The following TNFSF4 variants were observed in gnomAD, a reference collection of about 807,000 sequenced individuals.
TNFSF4 encodes the protein TNF superfamily member 4, also known as tumor necrosis factor ligand superfamily member 4.
TNFSF4 carries 4 observed loss-of-function variants against 7.3 expected under a neutral mutation model. The observed-to-expected ratio is 0.55, with a 90% confidence interval of 0.27 to 1.25. The LOEUF (loss-of-function observed/expected upper bound fraction) is 1.25, where lower values mean the gene tolerates loss of function less well. Among genes scored for constraint, TNFSF4 ranks in the 50% most tolerant of loss-of-function variants. TNFSF4 has a pLI of 0.12. For missense variants in TNFSF4, 181 were observed against 208.8 expected, an observed-to-expected ratio of 0.87 and a Z score of 0.82; for synonymous variants, 76 against 83.7, an observed-to-expected ratio of 0.91 and a Z score of 0.50.
the TNFSF4 span, among the ~76,000 whole-genome samples, chr1:173,385,295 C>A: frequency 6.6e-6 from 1 of 152,208 alleles, no homozygotes; most frequent in Non-Finnish European, 1.5e-5. Context: ...GTTTTCATAA[C>A]AAGGGCAAAT....
At chr1:173,219,147 A>G in the TNFSF4 span, among the ~76,000 whole-genome samples, 2 of 152,234 alleles carry the variant, frequency 1.3e-5, no homozygotes, top group African/African-American at 2.4e-5. Flanking sequence ...CTGATACAGC[A>G]TCTCCTTGCT....
the TNFSF4 span, among the ~76,000 whole-genome samples, chr1:173,402,098 T>A: frequency 2.6e-5 from 4 of 152,218 alleles, no homozygotes; most frequent in Admixed American, 6.5e-5. Flanking sequence ...TCTTTTTTTA[T>A]GCTCAGAAAC....
chr1:173,359,451 T>A, the TNFSF4 span, among the ~76,000 whole-genome samples: 1 of 67,418 alleles, frequency 1.5e-5, no homozygotes, highest in African/African-American at 5.2e-5. Flanking sequence ...AGTTTTATAT[T>A]TAAAAAAAAA....
the TNFSF4 span, among the ~76,000 whole-genome samples, chr1:173,297,939 C>T: frequency 2.0e-5 from 3 of 151,898 alleles, no homozygotes; most frequent in Non-Finnish European, 4.4e-5. Context: ...AAAACCAAGG[C>T]TGTATCATCA....
At chr1:173,427,390 ATT>A in the TNFSF4 span, among the ~76,000 whole-genome samples, 1 of 152,130 alleles carries the variant, frequency 6.6e-6, no homozygotes, top group African/African-American at 2.4e-5. Flanking sequence ...GCTGCTAAAC[ATT>A]CCACAATGCA....
At chr1:173,327,203 A>T in the TNFSF4 span, among the ~76,000 whole-genome samples, 1 of 152,238 alleles carries the variant, frequency 6.6e-6, no homozygotes, top group African/African-American at 2.4e-5. Context: ...AGCCCTCAGA[A>T]ATAACGCCGC....
chr1:173,305,242 T>C, the TNFSF4 span, among the ~76,000 whole-genome samples: 1 of 152,000 alleles, frequency 6.6e-6, no homozygotes, highest in African/African-American at 2.4e-5. Flanking sequence ...AAAAAATCTT[T>C]CCTGTTATTT....
the TNFSF4 span, among the ~76,000 whole-genome samples, chr1:173,242,402 A>G: frequency 6.6e-6 from 1 of 152,198 alleles, no homozygotes; most frequent in African/African-American, 2.4e-5. Context: ...TTGCTTGACA[A>G]TTAGTTTTAT....
chr1:173,223,571 A>G, the TNFSF4 span, among the ~76,000 whole-genome samples: 9 of 152,218 alleles, frequency 5.9e-5, no homozygotes, highest in African/African-American at 2.2e-4. Context: ...ACTGGAAGAG[A>G]CGAATCAGTG....
the TNFSF4 span, among the ~76,000 whole-genome samples, chr1:173,178,583 A>C: frequency 6.6e-6 from 1 of 152,136 alleles, no homozygotes; most frequent in Admixed American, 6.5e-5. Context: ...CAAAATAAAA[A>C]AATTTAAAAA....
chr1:173,347,058 GA>G, the TNFSF4 span, among the ~76,000 whole-genome samples: 3 of 152,158 alleles, frequency 2.0e-5, no homozygotes, highest in Non-Finnish European at 4.4e-5. Context: ...TTATCCAGAG[GA>G]AAAATAAGTT....
chr1:173,339,690 A>C, the TNFSF4 span, among the ~76,000 whole-genome samples: 3 of 152,172 alleles, frequency 2.0e-5, no homozygotes, highest in South Asian at 6.2e-4. Context: ...TGGGATATCA[A>C]GGAGAAGAAT....
chr1:173,232,696 C>T, the TNFSF4 span, among the ~76,000 whole-genome samples: 3 of 152,062 alleles, frequency 2.0e-5, no homozygotes, highest in East Asian at 1.9e-4. Context: ...TGGATTTTGT[C>T]GAAGGCCTTT....
the TNFSF4 span, among the ~76,000 whole-genome samples, chr1:173,377,746 C>G: frequency 6.6e-6 from 1 of 152,192 alleles, no homozygotes; most frequent in Admixed American, 6.5e-5. Flanking sequence ...TTGCCCAAAG[C>G]CCTGCCAGGG....
the TNFSF4 span, among the ~76,000 whole-genome samples, chr1:173,390,201 C>T: frequency 6.6e-6 from 1 of 152,146 alleles, no homozygotes; most frequent in Non-Finnish European, 1.5e-5. Context: ...TATTAGCATT[C>T]ATTCCTTAAG....
the TNFSF4 span, among the ~76,000 whole-genome samples, chr1:173,310,026 C>A: frequency 6.6e-6 from 1 of 151,748 alleles, no homozygotes; most frequent in Non-Finnish European, 1.5e-5. Context: ...CTAATGTCAC[C>A]TTTTTCCTTC....
the TNFSF4 span, among the ~76,000 whole-genome samples, chr1:173,331,165 A>T: frequency 2.6e-5 from 4 of 152,280 alleles, no homozygotes; most frequent in South Asian, 8.3e-4. Context: ...GATTACAGGC[A>T]TCGGCCACTG....
the TNFSF4 span, among the ~76,000 whole-genome samples, chr1:173,234,265 T>TA: frequency 2.0e-5 from 3 of 152,150 alleles, no homozygotes; most frequent in African/African-American, 4.8e-5. Context: ...CTCACACCAG[T>TA]TAGGATGGTG....
chr1:173,202,665 C>A (rs1649994752), intron 1 of TNFSF4, among the ~76,000 whole-genome samples: 1 of 152,104 alleles, frequency 6.6e-6, no homozygotes, highest in Non-Finnish European at 1.5e-5. Flanking sequence ...CCTGTATTTC[C>A]TTTGGCGTAG....
Sources: gnomAD v4.1 joint callset for allele counts (sites outside exome capture counted in the v4.1 genomes callset) on GRCh38, gnomAD v4.1.1 for gene constraint, MANE v1.5 for transcripts, NCBI Gene and HGNC (gene_info 2026-07-23, HGNC 2026-07-21) for gene names.